The following HCN1 variants were observed in gnomAD, a reference collection of about 807,000 sequenced individuals.
The protein encoded by HCN1 is hyperpolarization activated cyclic nucleotide gated potassium channel 1.
Under a neutral mutation model 78.9 loss-of-function variants are expected in HCN1, and 13 were observed. The ratio of observed to expected loss-of-function variants is 0.16; its 90% CI spans 0.11 to 0.26. The LOEUF (loss-of-function observed/expected upper bound fraction) is 0.26. Among genes scored for constraint, HCN1 ranks in the 10% least tolerant of loss-of-function variants. The pLI is 1.00. For synonymous variants in HCN1, 552 were observed against 455.5 expected (o/e 1.21, Z -2.70); for missense variants, 810 against 1,154.3 (o/e 0.70, Z 4.32).
intron 2 of HCN1, among the ~76,000 whole-genome samples, chr5:45,560,324 T>C (rs1227820475): frequency 1.3e-5 from 2 of 152,084 alleles, no homozygotes; most frequent in African/African-American, 4.8e-5. Flanking sequence ...TAAAAATTTA[T>C]ATCTATATAG....
intron 5 of HCN1, among the ~76,000 whole-genome samples, chr5:45,311,381 AT>A (rs969169601): frequency 5.9e-5 from 9 of 152,164 alleles, no homozygotes; most frequent in Middle Eastern, 3.2e-3. Flanking sequence ...AAATGTTACT[AT>A]TTAAAATACA....
chr5:45,351,853 C>T (rs1313687202), intron 5 of HCN1, among the ~76,000 whole-genome samples: 2 of 151,830 alleles, frequency 1.3e-5, no homozygotes, highest in African/African-American at 2.4e-5. Context: ...GTTAGAATGG[C>T]GATCATTAAA....
At position 45,527,592 on chromosome 5, in the gene HCN1, T is replaced by TTC. The variant is rs369936097; in HGVS notation, c.850-65587_850-65586dup. Among the ~76,000 whole-genome samples, 20 of 150,960 alleles carry TTC rather than the reference T, an allele frequency of 1.3e-4. 1 individual carries two copies. The highest frequency in any genetic ancestry group is 1.3e-3 in the Admixed American group (20 of 15,118). ...CTCTGTCTCTCTCCCATCATTCTCA[T>TTC]TCTCTCTCTCTTTTCTCTCTCTTTC... On this transcript the variant is annotated intron_variant, in intron 2 of 7. Coordinates refer to ENST00000303230, the MANE Select transcript of HCN1 (RefSeq NM_021072.4).
At chr5:45,597,723 T>A (rs1253036237) in intron 2 of HCN1, among the ~76,000 whole-genome samples, 2 of 152,118 alleles carry the variant, frequency 1.3e-5, no homozygotes, top group Non-Finnish European at 2.9e-5. Context: ...CAGCGAAGTC[T>A]CAGGACACAA....
intron 6 of HCN1, among the ~76,000 whole-genome samples, chr5:45,287,233 G>A (rs1297193115): frequency 6.6e-6 from 1 of 151,508 alleles, no homozygotes; most frequent in Non-Finnish European, 1.5e-5. Context: ...AGGAAGAGCG[G>A]TTACCTGTGA....
At chr5:45,539,941 TATATATATATATATATATAA>T (rs1366874794) in intron 2 of HCN1, among the ~76,000 whole-genome samples, 22 of 144,234 alleles carry the variant, frequency 1.5e-4, no homozygotes, top group African/African-American at 5.7e-4. Context: ...TATATATATA[TATATATATATATATATATAA>T]AATGTTTATC....
chr5:45,468,294 T>C (rs1027996521), intron 2 of HCN1, among the ~76,000 whole-genome samples: 4 of 152,142 alleles, frequency 2.6e-5, no homozygotes, highest in African/African-American at 9.6e-5. Flanking sequence ...ATAACAACGA[T>C]ATGCTCATAT....
At chr5:45,309,102 T>C (rs747685674) in intron 5 of HCN1, among the ~76,000 whole-genome samples, 28 of 152,142 alleles carry the variant, frequency 1.8e-4, no homozygotes, top group Non-Finnish European at 2.8e-4. Context: ...GCTGTATTCC[T>C]AGTTATTTGA....
At chr5:45,473,940 C>A (rs1741461159) in intron 2 of HCN1, among the ~76,000 whole-genome samples, 1 of 151,810 alleles carries the variant, frequency 6.6e-6, no homozygotes, top group Non-Finnish European at 1.5e-5. Context: ...GACCTCTAGG[C>A]ACATTAATTT....
intron 2 of HCN1, chr5:45,558,739 G>A (rs561048126): frequency 6.6e-6 from 1 of 151,706 alleles, no homozygotes; most frequent in African/African-American, 2.4e-5. Context: ...TTAAAAATAG[G>A]CCTGGATGAC....
In HCN1 at chr5:45,409,367, C is replaced by T. The variant is rs183095142; in HGVS notation, c.1012-12657G>A. Among the ~76,000 whole-genome samples the T allele has an allele frequency of 2.7e-3, 409 of 152,036 alleles. 2 individuals carry two copies. Among genetic ancestry groups the T allele is most frequent in the African/African-American group, 9.1e-3 (378 of 41,506 alleles). On this transcript the variant is annotated intron_variant, in intron 3 of 7. Coordinates refer to ENST00000303230, the MANE Select transcript of HCN1 (RefSeq NM_021072.4). ...ATGAAAAATTTATTAAAATCTAATG[C>T]TTAGAGATGGGCATAACTAAAATAT...
At chr5:45,315,006 GA>G (rs1391591347) in intron 5 of HCN1, among the ~76,000 whole-genome samples, 2 of 152,060 alleles carry the variant, frequency 1.3e-5, no homozygotes, top group Non-Finnish European at 2.9e-5. Flanking sequence ...ACAGATCAAC[GA>G]GACAGAAAGT....
intron 4 of HCN1, among the ~76,000 whole-genome samples, chr5:45,372,245 T>A (rs1467994710): frequency 1.4e-5 from 1 of 73,006 alleles, no homozygotes; most frequent in Non-Finnish European, 2.2e-5. Context: ...TTATATTTTA[T>A]ATATAATATA....
chr5:45,528,513 A>G (rs1335539270), intron 2 of HCN1, among the ~76,000 whole-genome samples: 1 of 151,928 alleles, frequency 6.6e-6, no homozygotes, highest in Admixed American at 6.6e-5. Context: ...TTATTTGAAA[A>G]AGCTTAAGAG....
intron 2 of HCN1, among the ~76,000 whole-genome samples, chr5:45,581,397 T>C (rs1744070016): frequency 6.6e-6 from 1 of 152,150 alleles, no homozygotes; most frequent in South Asian, 2.1e-4. Flanking sequence ...TTTCTTTGAG[T>C]TCTTTGTAGA....
chr5:45,420,173 A>G (rs565026933), intron 3 of HCN1, among the ~76,000 whole-genome samples: 1 of 152,280 alleles, frequency 6.6e-6, no homozygotes, highest in African/African-American at 2.4e-5. Context: ...TTATATTTCT[A>G]TGACTCTAAA....
chr5:45,447,259 A>G (rs1179124538), intron 3 of HCN1, among the ~76,000 whole-genome samples: 1 of 152,010 alleles, frequency 6.6e-6, no homozygotes, highest in Non-Finnish European at 1.5e-5. Flanking sequence ...TTTCTTTTTG[A>G]GACCAGGTGC....
intron 3 of HCN1, among the ~76,000 whole-genome samples, chr5:45,436,318 T>C (rs1490040324): frequency 6.6e-6 from 1 of 152,102 alleles, no homozygotes; most frequent in Non-Finnish European, 1.5e-5. Flanking sequence ...CCCAACTAAC[T>C]ATGTGAATGC....
chr5:45,351,185 T>C (rs1333444135), intron 5 of HCN1, among the ~76,000 whole-genome samples: 1 of 151,852 alleles, frequency 6.6e-6, no homozygotes, highest in East Asian at 1.9e-4. Flanking sequence ...GAGATATAGA[T>C]CAATGGAACA....
Sources: allele counts gnomAD v4.1 joint callset (sites outside exome capture counted in the v4.1 genomes callset), GRCh38; gene constraint gnomAD v4.1.1; transcripts MANE v1.5; gene names NCBI Gene and HGNC (gene_info 2026-07-23, HGNC 2026-07-21).